Variants in FBXO34 observed in about 807,000 individuals in gnomAD.
FBXO34 encodes the protein F-box protein 34.
In FBXO34, 12 loss-of-function variants were observed where a neutral mutation model predicts 24.5. That is an observed-to-expected ratio of 0.49 (90% CI 0.31 to 0.79). The LOEUF is 0.79. Ranked by LOEUF, FBXO34 falls within the 30% of genes least tolerant of loss-of-function variation. The probability of loss-of-function intolerance (pLI) is 0.04; values close to 1 mark genes in which losing one functional copy is unlikely to be tolerated. For synonymous variants in FBXO34, 320 were observed against 311.9 expected, an observed-to-expected ratio of 1.03 and a Z score of -0.27; for missense variants, 823 against 857.7, an observed-to-expected ratio of 0.96 and a Z score of 0.51.
At chr14:55,411,917 T>G in the FBXO34 span, 2 of 1,226,382 alleles carry the variant, frequency 1.6e-6, no homozygotes, top group Non-Finnish European at 2.3e-6. Context: ...GGGGCTGGGA[T>G]GCCGGCGAGC....
intron 1 of FBXO34, among the ~76,000 whole-genome samples, chr14:55,299,669 A>G (rs1351064069): frequency 6.6e-6 from 1 of 152,200 alleles, no homozygotes; most frequent in Non-Finnish European, 1.5e-5. Flanking sequence ...CCTTTTGATT[A>G]TCTAAAATAT....
the FBXO34 span, among the ~76,000 whole-genome samples, chr14:55,376,194 C>T: frequency 2.0e-5 from 3 of 152,188 alleles, no homozygotes; most frequent in Non-Finnish European, 2.9e-5. Flanking sequence ...CCATACTAAG[C>T]GTCAGTTTCT....
At chr14:55,340,041 T>A (rs1276417570) in intron 1 of FBXO34, among the ~76,000 whole-genome samples, 1 of 152,204 alleles carries the variant, frequency 6.6e-6, no homozygotes, top group Admixed American at 6.5e-5. Flanking sequence ...GTCTTTTGTC[T>A]ACATTGATGC....
At chr14:55,335,861 G>A (rs1158453628) in intron 1 of FBXO34, among the ~76,000 whole-genome samples, 1 of 152,016 alleles carries the variant, frequency 6.6e-6, no homozygotes, top group African/African-American at 2.4e-5. Context: ...ATAACTACAT[G>A]CCAACTGTTC....
chr14:55,289,180 T>C (rs1881859601), intron 1 of FBXO34, among the ~76,000 whole-genome samples: 1 of 152,198 alleles, frequency 6.6e-6, no homozygotes, highest in Admixed American at 6.6e-5. Context: ...CTTCTCTTTT[T>C]TCCCCCCTTT....
intron 1 of FBXO34, among the ~76,000 whole-genome samples, chr14:55,299,728 A>G (rs149521041): frequency 6.4e-4 from 97 of 152,300 alleles, no homozygotes; most frequent in Admixed American, 2.1e-3. Context: ...TGTGGTTATC[A>G]CTTTTAAATG....
the FBXO34 span, among the ~76,000 whole-genome samples, chr14:55,429,720 C>G: frequency 1.5e-5 from 2 of 137,496 alleles, no homozygotes; most frequent in African/African-American, 2.7e-5. Flanking sequence ...GAGCTGAGAT[C>G]GCGCCATTGC....
At chr14:55,422,512 G>A in the FBXO34 span, among the ~76,000 whole-genome samples, 1 of 152,154 alleles carries the variant, frequency 6.6e-6, no homozygotes, top group Non-Finnish European at 1.5e-5. Context: ...GCCTCCCGAA[G>A]TGCTAGGATT....
intron 1 of FBXO34, among the ~76,000 whole-genome samples, chr14:55,344,437 GTCT>G (rs1414571777): frequency 6.6e-6 from 1 of 151,742 alleles, no homozygotes; most frequent in African/African-American, 2.4e-5. Context: ...TGTGACAACT[GTCT>G]TCTTCCTTTC....
intron 3 of FBXO34, among the ~76,000 whole-genome samples, chr14:55,361,038 A>G (rs1884587355): frequency 6.6e-6 from 1 of 151,998 alleles, no homozygotes; most frequent in Non-Finnish European, 1.5e-5. Flanking sequence ...TCCTCTTTCC[A>G]TGAATCACAA....
At chr14:55,354,463 G>GATAA (rs1566571067), downstream of FBXO34, 1 of 152,232 alleles carries the variant, frequency 6.6e-6, no homozygotes, top group African/African-American at 2.4e-5. Context: ...GCCCAGCCTG[G>GATAA]ACACTGGATA....
downstream of FBXO34, chr14:55,370,013 G>A: frequency 7.6e-7 from 1 of 1,317,464 alleles, no homozygotes. Flanking sequence ...CCTCACCTGA[G>A]GGGATGAGGG....
intron 1 of FBXO34, among the ~76,000 whole-genome samples, chr14:55,312,941 C>T (rs1267445919): frequency 1.3e-5 from 2 of 152,232 alleles, no homozygotes; most frequent in African/African-American, 4.8e-5. Flanking sequence ...GTTACTTATG[C>T]ACATTTTTGT....
intron 1 of FBXO34, among the ~76,000 whole-genome samples, chr14:55,335,846 A>C (rs1472508936): frequency 6.6e-6 from 1 of 152,240 alleles, no homozygotes. Context: ...TCTTTAGAGC[A>C]ATGTATAACT....
chr14:55,328,661 C>G (rs1594754446), intron 1 of FBXO34, among the ~76,000 whole-genome samples: 1 of 152,194 alleles, frequency 6.6e-6, no homozygotes, highest in East Asian at 1.9e-4. Context: ...TAAGGATAAA[C>G]TACTGTATAC....
At chr14:55,431,246 T>A in the FBXO34 span, among the ~76,000 whole-genome samples, 1 of 152,250 alleles carries the variant, frequency 6.6e-6, no homozygotes, top group East Asian at 1.9e-4. Context: ...TATATTTGGA[T>A]AAAAAGTATC....
chr14:55,398,330 TGTTTTC>T, the FBXO34 span, among the ~76,000 whole-genome samples: 1 of 152,186 alleles, frequency 6.6e-6, no homozygotes, highest in Admixed American at 6.5e-5. Context: ...TTTTTGTTTT[TGTTTTC>T]TTTTTGCAGT....
chr14:55,330,012 G>A (rs2140044138), intron 1 of FBXO34, among the ~76,000 whole-genome samples: 1 of 152,124 alleles, frequency 6.6e-6, no homozygotes, highest in Middle Eastern at 3.4e-3. Context: ...GCATTTATCT[G>A]TAGTTTTAGA....
rs762784706 is a variant in FBXO34, at chr14:55,350,884, A to C, written c.494A>C (p.Glu165Ala). Residue 165 changes from glutamate (E) to alanine (A), a missense_variant, in exon 2 of 2, where the codon GAA becomes GCA. Glu to Ala is a moderately radical substitution (Grantham distance 107). Coordinates refer to ENST00000313833, the MANE Select transcript of FBXO34 (RefSeq NM_017943.4). ...GDLKKAKVQV[E>A]RMREVNSRCY... is the part of the protein sequence containing the mutation. ...CTTAAAAAAGCCAAGGTACAGGTGGAAAGGATGAGGGAGGTTAACAGCAGG... is the reference window on the plus strand; with the variant it reads ...CTTAAAAAAGCCAAGGTACAGGTGGCAAGGATGAGGGAGGTTAACAGCAGG... 2 of 1,613,714 alleles carry C rather than the reference A, an allele frequency of 1.2e-6. No homozygotes were observed. The highest frequency in any genetic ancestry group is 1.7e-6 in the Non-Finnish European group (2 of 1,179,958).
Sources: allele counts gnomAD v4.1 joint callset (sites outside exome capture counted in the v4.1 genomes callset), GRCh38; gene constraint gnomAD v4.1.1; transcripts MANE v1.5; gene names NCBI Gene and HGNC (gene_info 2026-07-23, HGNC 2026-07-21).